CCDC3: variants seen among roughly 807,000 people sequenced by gnomAD.
The protein encoded by CCDC3 is coiled-coil domain-containing protein 3.
In CCDC3, 24 loss-of-function variants were observed where a neutral mutation model predicts 21.4. That is an observed-to-expected ratio of 1.12 (90% CI 0.81 to 1.58). CCDC3 has a LOEUF of 1.58. Among genes scored for constraint, CCDC3 ranks in the 40% most tolerant of loss-of-function variants. The pLI, the probability that CCDC3 is intolerant of heterozygous loss-of-function variation, is 0.00. For missense variants in CCDC3, 425 were observed against 360.9 expected (o/e 1.18, Z -1.44); for synonymous variants, 186 against 166.0 (o/e 1.12, Z -0.93).
chr10:12,916,503 A>G (rs1327697070), intron 2 of CCDC3, among the ~76,000 whole-genome samples: 2 of 151,212 alleles, frequency 1.3e-5, no homozygotes, highest in Non-Finnish European at 2.9e-5. Flanking sequence ...CAAAGCCTGA[A>G]GCTATGTGGA....
chr10:13,089,439 A>G (rs10906299), intron 3 of CCDC3, among the ~76,000 whole-genome samples: 31,644 of 151,972 alleles, frequency 0.21, 3,614 homozygotes, highest in Middle Eastern at 0.3. Flanking sequence ...AGAGTCTTCA[A>G]TTCTCAAACT....
intron 4 of CCDC3, chr10:13,058,220 G>C: frequency 1.5e-6 from 2 of 1,297,558 alleles, no homozygotes; most frequent in Non-Finnish European, 2.2e-6. Context: ...GCCAGCGGTA[G>C]TTCTGGCAAG....
At chr10:13,056,283 G>A (rs1056350543) in intron 4 of CCDC3, among the ~76,000 whole-genome samples, 6 of 152,306 alleles carry the variant, frequency 3.9e-5, no homozygotes, top group African/African-American at 1.2e-4. Flanking sequence ...GGCAAAGAGC[G>A]TGTGAGTTTA....
chr10:12,921,940 C>A (rs1302943651), intron 2 of CCDC3, among the ~76,000 whole-genome samples: 1 of 152,112 alleles, frequency 6.6e-6, no homozygotes, highest in African/African-American at 2.4e-5. Context: ...TGCCATGTTG[C>A]CTGGGCTGGT....
At chr10:12,919,194 G>A (rs963623615) in intron 2 of CCDC3, among the ~76,000 whole-genome samples, 1 of 152,180 alleles carries the variant, frequency 6.6e-6, no homozygotes, top group African/African-American at 2.4e-5. Context: ...GGCTGGAAGG[G>A]TCTTTATTGT....
At chr10:13,029,558 G>A (rs550599485) in intron 5 of CCDC3, among the ~76,000 whole-genome samples, 1 of 152,226 alleles carries the variant, frequency 6.6e-6, no homozygotes, top group East Asian at 1.9e-4. Context: ...AAAGGAGGAT[G>A]TCCGAACCCA....
chr10:12,933,922 T>C (rs1439915560), intron 2 of CCDC3, among the ~76,000 whole-genome samples: 3 of 151,646 alleles, frequency 2.0e-5, no homozygotes, highest in Non-Finnish European at 2.9e-5. Context: ...GATTATTTTC[T>C]GTTTTCACTT....
chr10:12,906,773 A>G (rs775808357), intron 2 of CCDC3, among the ~76,000 whole-genome samples: 136 of 152,104 alleles, frequency 8.9e-4, no homozygotes, highest in Admixed American at 1.5e-3. Flanking sequence ...GATAAGGGTA[A>G]AGCATCTGAT....
intron 5 of CCDC3, among the ~76,000 whole-genome samples, chr10:13,027,999 C>T (rs1405420979): frequency 1.3e-5 from 2 of 152,116 alleles, no homozygotes; most frequent in Admixed American, 6.6e-5. Flanking sequence ...GTGTGTTTGC[C>T]ACAGTTTGGC....
chr10:12,919,554 C>G (rs1323809780), intron 2 of CCDC3, among the ~76,000 whole-genome samples: 2 of 144,444 alleles, frequency 1.4e-5, no homozygotes, highest in Non-Finnish European at 3.0e-5. Flanking sequence ...CATGCCACTG[C>G]ACTCCAGCCT....
At chr10:12,963,189 G>T (rs1286657731) in intron 2 of CCDC3, among the ~76,000 whole-genome samples, 1 of 152,114 alleles carries the variant, frequency 6.6e-6, no homozygotes, top group East Asian at 1.9e-4. Context: ...TCTTTATTTA[G>T]AAGGCTGCTT....
At chr10:13,087,607 T>A (rs1837127533) in intron 3 of CCDC3, among the ~76,000 whole-genome samples, 1 of 151,886 alleles carries the variant, frequency 6.6e-6, no homozygotes. Context: ...GCTATGGAAG[T>A]CTGGGGAAAA....
intron 2 of CCDC3, among the ~76,000 whole-genome samples, chr10:12,937,968 C>A (rs1234881577): frequency 6.8e-6 from 1 of 146,578 alleles, no homozygotes; most frequent in Admixed American, 6.7e-5. Flanking sequence ...TTTCTGTGTT[C>A]ATTCTTATGC....
At chr10:12,923,703 T>C (rs1834490550) in intron 2 of CCDC3, among the ~76,000 whole-genome samples, 2 of 152,214 alleles carry the variant, frequency 1.3e-5, no homozygotes, top group African/African-American at 4.8e-5. Context: ...ATGAGTTCCG[T>C]GAAGGCAGCA....
intron 5 of CCDC3, among the ~76,000 whole-genome samples, chr10:13,027,195 G>A (rs72777473): frequency 0.024 from 3,692 of 152,216 alleles, 78 homozygotes; most frequent in South Asian, 0.063. Context: ...GCTTAGGTGA[G>A]GGTCAGTGTG....
chr10:13,084,662 C>T (rs1264799018), intron 3 of CCDC3, among the ~76,000 whole-genome samples: 2 of 152,164 alleles, frequency 1.3e-5, no homozygotes, highest in African/African-American at 4.8e-5. Context: ...GCACGAGATC[C>T]AATAACCCTC....
chr10:13,036,211 G>A (rs1836375897), intron 5 of CCDC3, among the ~76,000 whole-genome samples: 1 of 152,084 alleles, frequency 6.6e-6, no homozygotes, highest in African/African-American at 2.4e-5. Context: ...CAGAAAAGGA[G>A]AACATGGAAG....
At chr10:13,065,007 A>AGG (rs1370729965) in intron 4 of CCDC3, among the ~76,000 whole-genome samples, 1 of 152,132 alleles carries the variant, frequency 6.6e-6, no homozygotes, top group Non-Finnish European at 1.5e-5. Context: ...GTCCCTAAGC[A>AGG]ATTCTCAGCT....
chr10:13,017,474 G>A (rs906523505), intron 5 of CCDC3, among the ~76,000 whole-genome samples: 7 of 137,672 alleles, frequency 5.1e-5, no homozygotes, highest in African/African-American at 1.4e-4. Flanking sequence ...TTGAGACTGC[G>A]CCACTGCACT....
Sources: allele counts gnomAD v4.1 joint callset (sites outside exome capture counted in the v4.1 genomes callset), GRCh38; gene constraint gnomAD v4.1.1; transcripts MANE v1.5; gene names NCBI Gene and HGNC (gene_info 2026-07-23, HGNC 2026-07-21).